The following EVC2 variants were observed in gnomAD, a reference collection of about 807,000 sequenced individuals.
EVC2 encodes limbin.
A neutral mutation model predicts 149.3 loss-of-function variants in EVC2; 148 were observed. The ratio of observed to expected loss-of-function variants is 0.99; its 90% CI spans 0.87 to 1.14. The LOEUF (loss-of-function observed/expected upper bound fraction) is 1.14, where lower values mean the gene tolerates loss of function less well. Ranked by LOEUF, EVC2 falls within the 50% of genes most tolerant of loss-of-function variation. The probability of loss-of-function intolerance (pLI) is 0.00; values close to 1 mark genes in which losing one functional copy is unlikely to be tolerated. For synonymous variants in EVC2, 776 were observed against 649.9 expected (o/e 1.19, Z -2.95); for missense variants, 1,854 against 1,627.3 (o/e 1.14, Z -2.40).
Position 5,676,328 on chromosome 4 carries a change from A to G in EVC2, c.870+4932T>C, listed in dbSNP as rs73067722. ...TCAGGAAAGTAACAGGAAATTAAGGAGACAATGGGGTAGCTCCCAAATGTG... is the reference window on the plus strand; with the variant it reads ...TCAGGAAAGTAACAGGAAATTAAGGGGACAATGGGGTAGCTCCCAAATGTG... On this transcript the variant is annotated intron_variant, in intron 7 of 21. Coordinates refer to ENST00000344408, the MANE Select transcript of EVC2 (RefSeq NM_147127.5). 7.0e-4 allele frequency among the ~76,000 whole-genome samples: 107 copies of G among 152,346 alleles called. 1 individual carries two copies. The highest frequency in any genetic ancestry group is 3.4e-3 in the Middle Eastern group (1 of 294).
chr4:5,592,475 C>A (rs1445961404), intron 16 of EVC2, among the ~76,000 whole-genome samples: 2 of 152,166 alleles, frequency 1.3e-5, no homozygotes, highest in Non-Finnish European at 2.9e-5. Flanking sequence ...AGAGCCCCGC[C>A]AAATACCAGG....
intron 9 of EVC2, among the ~76,000 whole-genome samples, chr4:5,646,704 G>A (rs1052094970): frequency 4.6e-5 from 7 of 152,060 alleles, no homozygotes; most frequent in East Asian, 1.9e-4. Flanking sequence ...AGCTTGTTTC[G>A]TTATGTTTTA....
chr4:5,685,740 G>C (rs573206369), intron 5 of EVC2, among the ~76,000 whole-genome samples: 1 of 152,188 alleles, frequency 6.6e-6, no homozygotes, highest in Non-Finnish European at 1.5e-5. Flanking sequence ...TCACGAGTGG[G>C]GGTGCACCAC....
At chr4:5,536,796 AT>A in the EVC2 span, among the ~76,000 whole-genome samples, 1 of 151,848 alleles carries the variant, frequency 6.6e-6, no homozygotes, top group African/African-American at 2.4e-5. Flanking sequence ...AAAAAAAAAA[AT>A]AGTCATTATC....
rs1468004603 is a variant in EVC2 at position 5,596,884 on chromosome 4, T to A, written c.2830-12034A>T. Among the ~76,000 whole-genome samples, 10 of 152,186 alleles carry A rather than the reference T, an allele frequency of 6.6e-5. No individual in the cohort carries two copies. The East Asian group carries it at 1.7e-3, about 26-fold the overall frequency. On this transcript the variant is annotated intron_variant, in intron 16 of 21. Coordinates refer to ENST00000344408, the MANE Select transcript of EVC2 (RefSeq NM_147127.5). ...GCAATAAAAAATGATAAAGGGGATA[T>A]CACCACCGATCCCATAGAAATACAA... is the stretch of plus-strand genomic sequence containing the variant.
chr4:5,536,810 T>C, the EVC2 span, among the ~76,000 whole-genome samples: 8 of 151,366 alleles, frequency 5.3e-5, no homozygotes, highest in Non-Finnish European at 1.0e-4. Flanking sequence ...TCATTATCCC[T>C]AACATATAAA....
intron 6 of EVC2, 33 bp downstream of exon 6, chr4:5,685,337 G>T: frequency 1.3e-6 from 2 of 1,587,388 alleles, no homozygotes; most frequent in Non-Finnish European, 8.7e-7. Flanking sequence ...CTTGGCAGTG[G>T]CAAGACAGAG....
At chr4:5,591,798 C>T (rs914582103) in intron 16 of EVC2, among the ~76,000 whole-genome samples, 5 of 152,128 alleles carry the variant, frequency 3.3e-5, no homozygotes, top group African/African-American at 1.2e-4. Context: ...ATTTGCATTT[C>T]TATGAGGTAT....
intron 2 of EVC2, among the ~76,000 whole-genome samples, chr4:5,695,471 G>C (rs924348602): frequency 6.6e-6 from 1 of 152,140 alleles, no homozygotes; most frequent in Non-Finnish European, 1.5e-5. Context: ...TAAAAGGTCC[G>C]GGCTGGGCTG....
chr4:5,647,388 C>T (rs1270578214), intron 9 of EVC2, among the ~76,000 whole-genome samples: 3 of 152,152 alleles, frequency 2.0e-5, no homozygotes, highest in Non-Finnish European at 4.4e-5. Context: ...TTTTGATGCT[C>T]GAATTTTACC....
intron 16 of EVC2, among the ~76,000 whole-genome samples, chr4:5,594,916 A>G (rs562901617): frequency 7.2e-5 from 11 of 152,346 alleles, no homozygotes; most frequent in African/African-American, 2.6e-4. Context: ...AACTACGAGA[A>G]GAATGCAGAA....
At chr4:5,588,293 C>G (rs1712479594) in intron 16 of EVC2, among the ~76,000 whole-genome samples, 1 of 152,128 alleles carries the variant, frequency 6.6e-6, no homozygotes, top group African/African-American at 2.4e-5. Context: ...CATAATGTAT[C>G]TTCTTCCTTC....
Position 5,568,889 on chromosome 4 carries a change from G to A in EVC2, c.3361-249C>T, listed in dbSNP as rs532805513. On this transcript the variant is annotated intron_variant, in intron 19 of 21. Coordinates refer to ENST00000344408, the MANE Select transcript of EVC2 (RefSeq NM_147127.5). ...CAACTGCTCTCAAGTCACTGGGGCA[G>A]TACCCAAATCCCCACAGCAAAAGCC... is the stretch of plus-strand genomic sequence containing the variant. Among the ~76,000 whole-genome samples the A allele has an allele frequency of 1.4e-4, 21 of 152,246 alleles. No homozygotes were observed. In the South Asian group the frequency reaches 4.4e-3, roughly 32 times the overall value.
intron 16 of EVC2, among the ~76,000 whole-genome samples, chr4:5,585,315 G>A (rs1211175235): frequency 2.0e-5 from 3 of 152,074 alleles, no homozygotes; most frequent in Non-Finnish European, 4.4e-5. Flanking sequence ...CACACCATGC[G>A]CTTTGTGTCT....
chr4:5,596,891 C>T (rs1335847679), intron 16 of EVC2, among the ~76,000 whole-genome samples: 4 of 152,080 alleles, frequency 2.6e-5, no homozygotes, highest in South Asian at 2.1e-4. Context: ...ATATCACCAC[C>T]GATCCCATAG....
chr4:5,574,809 G>A, intron 18 of EVC2, 37 bp from the exon 19 acceptor site: 1 of 1,579,020 alleles, frequency 6.3e-7, no homozygotes, highest in Non-Finnish European at 8.7e-7. Flanking sequence ...GTTCAGTTTT[G>A]TTATAAAGTG....
intron 16 of EVC2, among the ~76,000 whole-genome samples, chr4:5,594,850 A>C (rs1451480651): frequency 6.6e-6 from 1 of 152,224 alleles, no homozygotes; most frequent in Non-Finnish European, 1.5e-5. Context: ...TATAACTAGA[A>C]TAACCAATAG....
At chr4:5,674,712 C>T (rs1020962959) in intron 7 of EVC2, among the ~76,000 whole-genome samples, 1 of 152,088 alleles carries the variant, frequency 6.6e-6, no homozygotes, top group East Asian at 1.9e-4. Context: ...CGCCCAGTGG[C>T]CCCGAGAGAT....
chr4:5,545,050 G>A (rs542950311), intron 21 of EVC2, among the ~76,000 whole-genome samples: 4 of 152,276 alleles, frequency 2.6e-5, no homozygotes, highest in South Asian at 2.1e-4. Context: ...CAGGTGCAAC[G>A]TTCTATTCTT....
Sources: gnomAD v4.1 joint callset for allele counts (sites outside exome capture counted in the v4.1 genomes callset) on GRCh38, gnomAD v4.1.1 for gene constraint, MANE v1.5 for transcripts, NCBI Gene and HGNC (gene_info 2026-07-23, HGNC 2026-07-21) for gene names.